Variants in NUP210 observed in about 807,000 individuals in gnomAD.
NUP210 encodes nucleoporin 210, also known as nuclear pore membrane glycoprotein 210.
A neutral mutation model predicts 196.0 loss-of-function variants in NUP210; 151 were observed. That is an observed-to-expected ratio of 0.77 (90% CI 0.67 to 0.88). NUP210 has a LOEUF of 0.88. Among genes scored for constraint, NUP210 ranks in the 40% least tolerant of loss-of-function variants. The pLI is 0.00. For synonymous variants in NUP210, 1,070 were observed against 1,052.7 expected (o/e 1.02, Z -0.32); for missense variants, 2,314 against 2,493.7 (o/e 0.93, Z 1.53).
chr3:13,360,099 A>G (rs1698317796), intron 15 of NUP210, among the ~76,000 whole-genome samples, 171 bp downstream of exon 15: 1 of 152,252 alleles, frequency 6.6e-6, no homozygotes, highest in African/African-American at 2.4e-5. Context: ...CCTGGCGTTC[A>G]TTGAGTCACA....
intron 20 of NUP210, among the ~76,000 whole-genome samples, chr3:13,346,626 A>T (rs768291107): frequency 6.6e-6 from 1 of 152,208 alleles, no homozygotes; most frequent in Non-Finnish European, 1.5e-5. Context: ...GGAGCTTGCC[A>T]GGCCCCAAGG....
At chr3:13,338,848 G>A (rs1215017973) in intron 25 of NUP210, among the ~76,000 whole-genome samples, 2 of 152,182 alleles carry the variant, frequency 1.3e-5, no homozygotes, top group African/African-American at 4.8e-5. Flanking sequence ...GGACCTAGAA[G>A]GGAGGGTGCC....
intron 14 of NUP210, among the ~76,000 whole-genome samples, chr3:13,361,190 C>T (rs1576382867): frequency 6.6e-6 from 1 of 152,226 alleles, no homozygotes; most frequent in Admixed American, 6.5e-5. Context: ...CTTTGCACCA[C>T]GTATGCACGA....
At chr3:13,414,734 A>T (rs2124967677) in intron 1 of NUP210, among the ~76,000 whole-genome samples, 1 of 152,310 alleles carries the variant, frequency 6.6e-6, no homozygotes, top group Non-Finnish European at 1.5e-5. Flanking sequence ...GACTCCCAGG[A>T]GGCTTATGCT....
intron 3 of NUP210, among the ~76,000 whole-genome samples, chr3:13,392,685 T>G (rs74950767): frequency 0.035 from 5,274 of 152,328 alleles, 146 homozygotes; most frequent in Middle Eastern, 0.068. Flanking sequence ...GCACAGCCTA[T>G]TCCTCTGTTC....
Position 13,420,138 on chromosome 3 carries a change from A to G in NUP210, c.89T>C (p.Ile30Thr), listed in dbSNP as rs1576438235. Residue 30 changes from isoleucine to threonine, a missense_variant, in exon 1 of 40, where the codon ATC (isoleucine) becomes ACC (threonine). Physicochemically the swap from Ile to Thr is moderately conservative, Grantham distance 89. Coordinates refer to ENST00000254508, the MANE Select transcript of NUP210 (RefSeq NM_024923.4). The surrounding 1 kb of genome is among the most constrained non-coding windows in gnomAD (Gnocchi z 4.8). ...GPSAAAAKLN[I>T]PKVLLPFTRA... ...CGTGAAGGGCAGCAGCACTTTGGGGATGTTGAGCTTGGCCGCAGCGGCGGA... is the reference window on the plus strand; with the variant it reads ...CGTGAAGGGCAGCAGCACTTTGGGGGTGTTGAGCTTGGCCGCAGCGGCGGA... 7.5e-7 allele frequency: 1 copy of G among 1,338,172 alleles called. No homozygotes were observed. Among genetic ancestry groups the G allele is most frequent in the Non-Finnish European group, 9.8e-7 (1 of 1,024,292 alleles). The allele number at this position is 1,338,172 out of a possible 1,614,324, so 82.9% of individuals were successfully genotyped here.
intron 16 of NUP210, chr3:13,354,324 A>T: frequency 1.8e-6 from 1 of 570,122 alleles, no homozygotes; most frequent in Non-Finnish European, 3.1e-6. Flanking sequence ...CACAGCTCTC[A>T]GTGGAATGAG....
At chr3:13,386,639 C>T (rs562323289) in intron 5 of NUP210, among the ~76,000 whole-genome samples, 2 of 152,292 alleles carry the variant, frequency 1.3e-5, no homozygotes, top group East Asian at 1.9e-4. Context: ...CTCACACTGA[C>T]TGCCCATTGT....
rs1296856642 is a variant in NUP210 at position 13,351,838 on chromosome 3, G to A, written c.2835+41C>T. 5.5e-6 allele frequency: 7 copies of A among 1,281,218 alleles called. No homozygotes were observed. The African/African-American group carries it at 1.0e-4, about 19-fold the overall frequency. The allele number at this position is 1,281,218 out of a possible 1,614,324, so 79.4% of individuals were successfully genotyped here. A position where few individuals can be genotyped will look rare whatever the true frequency, so the allele number is the denominator to read the frequency against. On this transcript the variant is annotated intron_variant, in intron 20 of 39. Transcript: ENST00000254508. ...ATTAACCACACAACAGCCCAGATAA[G>A]GAATGAAAACCAACAGTGGGGACCG...
At chr3:13,331,273 G>C (rs915532530) in intron 29 of NUP210, among the ~76,000 whole-genome samples, 6 of 152,098 alleles carry the variant, frequency 3.9e-5, no homozygotes, top group African/African-American at 7.2e-5. Flanking sequence ...TGCCGTATCT[G>C]TTACCCTTTT....
chr3:13,340,570 C>T lies in NUP210; in HGVS notation c.3229-272G>A, dbSNP rs995003059. ...GTTAAAACCCAAAAGCTGGGCCGTC[C>T]CCTTGGAGGGATGGCTTTTATGCAG... On this transcript the variant is annotated intron_variant, in intron 23 of 39. Transcript: ENST00000254508. This position sits in a 1 kb window ranked among gnomAD's most constrained non-coding sequence, Gnocchi z 4.0. 2.0e-5 allele frequency among the ~76,000 whole-genome samples: 3 copies of T among 152,150 alleles called. No homozygotes were observed. Among genetic ancestry groups the T allele is most frequent in the Non-Finnish European group, 4.4e-5 (3 of 68,018 alleles).
intron 1 of NUP210, among the ~76,000 whole-genome samples, chr3:13,408,176 A>AT (rs1334463700): frequency 6.6e-6 from 1 of 152,176 alleles, no homozygotes; most frequent in Non-Finnish European, 1.5e-5. Context: ...CATTACACTG[A>AT]TTTTTTAAAA....
intron 27 of NUP210, 84 bp from the exon 28 acceptor site, chr3:13,335,696 AC>A (rs1212988524): frequency 2.0e-5 from 30 of 1,464,018 alleles, no homozygotes; most frequent in Middle Eastern, 1.8e-4. Flanking sequence ...GTAGCCCCAG[AC>A]CCCCCAGCCC....
chr3:13,372,806 G>C (rs984561481), intron 12 of NUP210, among the ~76,000 whole-genome samples: 1 of 152,128 alleles, frequency 6.6e-6, no homozygotes. Flanking sequence ...AGCTGGCCCC[G>C]GAAGCCAGGT....
intron 11 of NUP210, among the ~76,000 whole-genome samples, chr3:13,374,998 G>C (rs568378407): frequency 2.0e-5 from 3 of 152,332 alleles, no homozygotes; most frequent in Admixed American, 1.3e-4. Context: ...ATGTGATGAG[G>C]TTGGAGATAC....
At position 13,319,902 on chromosome 3, in the gene NUP210, C is replaced by T. The variant is rs371147827; in HGVS notation, c.5244G>A (p.Thr1748=). 34 of 1,614,044 alleles carry T rather than the reference C, an allele frequency of 2.1e-5. No individual in the cohort carries two copies. Among genetic ancestry groups the T allele is most frequent in the Middle Eastern group, 1.6e-4 (1 of 6,084 alleles). ...CAGCCGCGGGGTCCAAGACGCCGAC[C>T]GTGTATGTGATGAAGCTGGGCCACC... ...SFGWPSFITY[T]VGVLDPAAGS... The change falls in exon 37 of 40, where the codon ACG becomes ACA. Residue 1748 remains threonine, a synonymous_variant. Transcript: ENST00000254508.
Position 13,319,979 on chromosome 3 carries a change from C to T in NUP210, c.5167G>A (p.Val1723Met), listed in dbSNP as rs377544300. 6 of 1,613,462 alleles carry T rather than the reference C, an allele frequency of 3.7e-6. No homozygotes were observed. The highest frequency in any genetic ancestry group is 5.1e-6 in the Non-Finnish European group (6 of 1,180,014). Residue 1723 changes from valine to methionine, a missense_variant and splice_region_variant, in exon 37 of 40, where the codon GTG (valine) becomes ATG (methionine). Transcript: ENST00000254508. ...AGCACGGCCGGGGACCCGGATTTCA[C>T]CTGGAAGAGACATCAGAGCTGGGGG... is the stretch of plus-strand genomic sequence containing the variant. ...GAPEVLENLE[V>M]KSGSPAVLAF...
In NUP210 at chr3:13,379,452, G is replaced by C; in HGVS notation, c.976+111C>G. ...AGTTCTTTCTGATTTTCAGACCGTT[G>C]AGGGGAAACGGCTATTTTTAGCCCT... On this transcript the variant is annotated intron_variant, in intron 7 of 39. Transcript: ENST00000254508. The surrounding 1 kb of genome is among the most constrained non-coding windows in gnomAD (Gnocchi z 4.2). The C allele has an allele frequency of 2.2e-6, 3 of 1,353,302 alleles. No homozygotes were observed. The highest frequency in any genetic ancestry group is 3.1e-6 in the Non-Finnish European group (3 of 956,506). 83.8% of individuals were successfully genotyped at this position (1,353,302 alleles called of 1,614,324 possible).
Position 13,386,352 on chromosome 3 carries a change from G to A in NUP210, c.740C>T (p.Pro247Leu), listed in dbSNP as rs867493121. The A allele has an allele frequency of 3.0e-5, 49 of 1,614,000 alleles. No individual in the cohort carries two copies. Among genetic ancestry groups the A allele is most frequent in the Admixed American group, 1.8e-4 (11 of 59,998 alleles). Reference sequence around the variant, plus strand: ...CACCATCAGGTAGACGTCATAGGCCGGGTTCAGAAGGATGTTTTCCAAAAT... The same window carrying A: ...CACCATCAGGTAGACGTCATAGGCCAGGTTCAGAAGGATGTTTTCCAAAAT... ...LLILENILLNPAYDVYLMVGT... is the reference protein window; with the variant it reads ...LLILENILLNLAYDVYLMVGT... The change falls in exon 6 of 40, where the codon CCG (proline) becomes CTG (leucine). Residue 247 changes from proline (P) to leucine (L), a missense_variant. Transcript: ENST00000254508.
Sources: gnomAD v4.1 joint callset for allele counts (sites outside exome capture counted in the v4.1 genomes callset) on GRCh38, gnomAD v4.1.1 for gene constraint, Gnocchi (gnomAD v3.1) non-coding constraint, MANE v1.5 for transcripts, NCBI Gene and HGNC (gene_info 2026-07-23, HGNC 2026-07-21) for gene names.